The following MACROD2 variants were observed in gnomAD, a reference collection of about 807,000 sequenced individuals.
MACROD2 encodes mono-ADP ribosylhydrolase 2.
A neutral mutation model predicts 70.4 loss-of-function variants in MACROD2; 36 were observed. The ratio of observed to expected loss-of-function variants is 0.51; its 90% CI spans 0.39 to 0.68. The LOEUF is 0.68. MACROD2 is among the 30% of genes least tolerant of loss of function. MACROD2 has a pLI of 0.00. For synonymous variants in MACROD2, 172 were observed against 178.8 expected (o/e 0.96, Z 0.30); for missense variants, 496 against 538.4 (o/e 0.92, Z 0.78).
intron 8 of MACROD2, among the ~76,000 whole-genome samples, chr20:15,753,385 G>C (rs1311144093): frequency 6.6e-6 from 1 of 152,146 alleles, no homozygotes; most frequent in Non-Finnish European, 1.5e-5. Context: ...TTCTATTCCT[G>C]TGTTAATTCA....
At chr20:14,087,066 A>G (rs2054085321) in intron 3 of MACROD2, among the ~76,000 whole-genome samples, 1 of 152,170 alleles carries the variant, frequency 6.6e-6, no homozygotes, top group Non-Finnish European at 1.5e-5. Context: ...CAGAAAGTTC[A>G]GAATACCGGT....
chr20:14,981,595 T>G (rs572884298), intron 5 of MACROD2, among the ~76,000 whole-genome samples: 2 of 151,990 alleles, frequency 1.3e-5, no homozygotes, highest in African/African-American at 4.8e-5. Flanking sequence ...AGATCTTTCC[T>G]GTGTTGTTCT....
chr20:15,187,188 T>G (rs1031527784), intron 5 of MACROD2, among the ~76,000 whole-genome samples: 1 of 152,130 alleles, frequency 6.6e-6, no homozygotes, highest in African/African-American at 2.4e-5. Flanking sequence ...GAAGCCAGGA[T>G]TTTCATTTTA....
intron 4 of MACROD2, among the ~76,000 whole-genome samples, chr20:14,684,263 T>C (rs76285636): frequency 0.023 from 3,465 of 152,274 alleles, 129 homozygotes; most frequent in African/African-American, 0.078. Flanking sequence ...CAATCATGTG[T>C]GTGTCATTCT....
chr20:15,940,253 G>A (rs1057127685), intron 12 of MACROD2, among the ~76,000 whole-genome samples: 23 of 85,954 alleles, frequency 2.7e-4, no homozygotes, highest in African/African-American at 8.0e-4. Context: ...ACCACACCTG[G>A]CTCTTCTTTT....
intron 2 of MACROD2, among the ~76,000 whole-genome samples, chr20:14,056,314 G>A (rs1353075027): frequency 6.6e-6 from 1 of 151,876 alleles, no homozygotes; most frequent in Non-Finnish European, 1.5e-5. Flanking sequence ...ATTGTAATTA[G>A]ATTGGAGGTA....
intron 5 of MACROD2, among the ~76,000 whole-genome samples, chr20:14,708,100 C>T (rs1568750829): frequency 1.3e-5 from 2 of 152,164 alleles, no homozygotes; most frequent in South Asian, 4.1e-4. Flanking sequence ...CAGGATTGTT[C>T]TAAGGATAAT....
chr20:15,103,415 C>G (rs1245799833), intron 5 of MACROD2, among the ~76,000 whole-genome samples: 1 of 152,080 alleles, frequency 6.6e-6, no homozygotes, highest in Non-Finnish European at 1.5e-5. Flanking sequence ...CCAGATGTGC[C>G]TAATATGCTT....
chr20:15,080,734 A>C (rs1216300903), intron 5 of MACROD2, among the ~76,000 whole-genome samples: 1 of 152,126 alleles, frequency 6.6e-6, no homozygotes, highest in Non-Finnish European at 1.5e-5. Flanking sequence ...AGGCATCATA[A>C]GCATAACATG....
At chr20:14,610,872 C>T (rs1471763373) in intron 4 of MACROD2, among the ~76,000 whole-genome samples, 1 of 152,034 alleles carries the variant, frequency 6.6e-6, no homozygotes, top group Non-Finnish European at 1.5e-5. Flanking sequence ...TTAAGGTATA[C>T]TCGATAATGA....
rs190592546 is a variant in MACROD2 at position 14,670,789 on chromosome 20, A to G, written c.302-14054A>G. Among the ~76,000 whole-genome samples, 757 of 152,228 alleles carry G rather than the reference A, an allele frequency of 5.0e-3. 30 individuals are homozygous for G. The highest frequency in any genetic ancestry group is 0.046 in the Admixed American group (699 of 15,272). ...GACTCCTTCACAGATGATGTCAGAG[A>G]TTGAGACACCTCCCAACTGTTCTTT... is the stretch of plus-strand genomic sequence containing the variant. On this transcript the variant is annotated intron_variant, in intron 4 of 17. Coordinates refer to ENST00000684519, the MANE Select transcript of MACROD2 (RefSeq NM_001351661.2).
chr20:15,696,803 T>G (rs111447755), intron 8 of MACROD2, among the ~76,000 whole-genome samples: 2,112 of 151,816 alleles, frequency 0.014, 58 homozygotes, highest in African/African-American at 0.048. Context: ...TTCCAAGAAT[T>G]TATCCATCTC....
At chr20:15,049,642 G>A (rs946884611) in intron 5 of MACROD2, among the ~76,000 whole-genome samples, 4 of 152,066 alleles carry the variant, frequency 2.6e-5, no homozygotes, top group African/African-American at 7.2e-5. Flanking sequence ...GAGTTTTAAC[G>A]TGTCTTAAAG....
chr20:14,565,995 TTCAC>T (rs1356510117), intron 4 of MACROD2, among the ~76,000 whole-genome samples: 10 of 151,976 alleles, frequency 6.6e-5, no homozygotes, highest in African/African-American at 2.4e-4. Context: ...TTTAATTCCT[TTCAC>T]TCAAAGTTAA....
intron 2 of MACROD2, among the ~76,000 whole-genome samples, chr20:14,023,310 G>C (rs1366346342): frequency 6.6e-6 from 1 of 152,216 alleles, no homozygotes; most frequent in Non-Finnish European, 1.5e-5. Flanking sequence ...CCCTTTGTCA[G>C]ATGGATAGAT....
At chr20:14,503,709 C>T (rs951142788) in intron 4 of MACROD2, among the ~76,000 whole-genome samples, 2 of 152,202 alleles carry the variant, frequency 1.3e-5, no homozygotes, top group African/African-American at 4.8e-5. Flanking sequence ...ACAAAGCCCT[C>T]ACTAGGCTAA....
At chr20:15,640,637 C>A (rs1010978839) in intron 8 of MACROD2, among the ~76,000 whole-genome samples, 1 of 152,206 alleles carries the variant, frequency 6.6e-6, no homozygotes, top group African/African-American at 2.4e-5. Context: ...TACAGGCTCT[C>A]CCCCATCCTC....
At chr20:14,983,585 C>T (rs986406619) in intron 5 of MACROD2, among the ~76,000 whole-genome samples, 22 of 152,062 alleles carry the variant, frequency 1.4e-4, no homozygotes, top group African/African-American at 4.8e-4. Context: ...GGGAGTTTCC[C>T]TGCACAAGCT....
At chr20:14,563,935 T>C (rs1158629904) in intron 4 of MACROD2, among the ~76,000 whole-genome samples, 2 of 151,920 alleles carry the variant, frequency 1.3e-5, no homozygotes, top group Admixed American at 6.6e-5. Context: ...GTTACATTAC[T>C]TGACTTCTAA....
Sources: gnomAD v4.1 joint callset for allele counts (sites outside exome capture counted in the v4.1 genomes callset) on GRCh38, gnomAD v4.1.1 for gene constraint, MANE v1.5 for transcripts, NCBI Gene and HGNC (gene_info 2026-07-23, HGNC 2026-07-21) for gene names.